PTPRT: variants seen among roughly 807,000 people sequenced by gnomAD.
PTPRT encodes protein tyrosine phosphatase receptor type T, also known as receptor-type tyrosine-protein phosphatase T.
Under a neutral mutation model 176.8 loss-of-function variants are expected in PTPRT, and 56 were observed. The observed-to-expected ratio is 0.32, with a 90% CI of 0.26 to 0.40. The LOEUF is 0.40. PTPRT is among the 10% of genes least tolerant of loss of function. The pLI, the probability that PTPRT is intolerant of heterozygous loss-of-function variation, is 1.00. For synonymous variants in PTPRT, 783 were observed against 739.0 expected (o/e 1.06, Z -0.96); for missense variants, 1,540 against 1,908.2 (o/e 0.81, Z 3.60).
At chr20:43,045,446 CT>C (rs899268477) in intron 1 of PTPRT, among the ~76,000 whole-genome samples, 3 of 139,432 alleles carry the variant, frequency 2.2e-5, no homozygotes, top group Non-Finnish European at 3.0e-5. Flanking sequence ...TTTTCTTTTT[CT>C]TTTTTTCATT....
chr20:42,216,466 G>A (rs893907008), intron 15 of PTPRT, among the ~76,000 whole-genome samples: 1 of 152,166 alleles, frequency 6.6e-6, no homozygotes, highest in African/African-American at 2.4e-5. Flanking sequence ...CTTTCAGGAA[G>A]CCTTTTCTGA....
chr20:42,315,412 CTT>C (rs982758282), intron 12 of PTPRT, among the ~76,000 whole-genome samples: 11 of 152,022 alleles, frequency 7.2e-5, no homozygotes, highest in African/African-American at 2.7e-4. Context: ...AGCACCATCT[CTT>C]TACTTTAATA....
intron 1 of PTPRT, among the ~76,000 whole-genome samples, chr20:43,032,373 G>T (rs1309670669): frequency 6.6e-6 from 1 of 151,382 alleles, no homozygotes; most frequent in African/African-American, 2.4e-5. Context: ...ATTGAATAGT[G>T]CTGATAAGGG....
intron 1 of PTPRT, among the ~76,000 whole-genome samples, chr20:43,086,066 G>T (rs1282731065): frequency 1.3e-5 from 2 of 152,112 alleles, no homozygotes; most frequent in Admixed American, 6.5e-5. Context: ...GATGGCCCAA[G>T]ACAAGCATCT....
In PTPRT at chr20:42,977,916, C is replaced by A. The variant is rs527505466; in HGVS notation, c.89-91984G>T. ...TTCGTGGGAATGGAATTATAATAGT[C>A]CTCCCTTATCCACAGGAACTATGTT... On this transcript the variant is annotated intron_variant, in intron 1 of 30. Coordinates refer to ENST00000373187, the MANE Select transcript of PTPRT (RefSeq NM_007050.6). Among the ~76,000 whole-genome samples, 19 of 152,320 alleles carry A rather than the reference C, an allele frequency of 1.2e-4. No individual in the cohort carries two copies. The South Asian group carries it at 3.9e-3, about 32-fold the overall frequency.
intron 7 of PTPRT, among the ~76,000 whole-genome samples, chr20:42,513,979 T>G (rs1430913365): frequency 2.0e-5 from 3 of 152,204 alleles, no homozygotes; most frequent in Non-Finnish European, 4.4e-5. Context: ...TCACTTTCAC[T>G]GCTGTGTAGT....
At chr20:43,163,110 G>A (rs890627984) in intron 1 of PTPRT, among the ~76,000 whole-genome samples, 1 of 152,218 alleles carries the variant, frequency 6.6e-6, no homozygotes, top group African/African-American at 2.4e-5. Flanking sequence ...TGCCCTGCTA[G>A]GAACTGTGGC....
At chr20:42,990,413 T>A (rs1278209472) in intron 1 of PTPRT, among the ~76,000 whole-genome samples, 1 of 152,146 alleles carries the variant, frequency 6.6e-6, no homozygotes, top group Non-Finnish European at 1.5e-5. Flanking sequence ...ATCTGGTGCA[T>A]GGGATTTAGG....
At chr20:42,374,104 C>T (rs892868167) in intron 9 of PTPRT, among the ~76,000 whole-genome samples, 14 of 152,164 alleles carry the variant, frequency 9.2e-5, no homozygotes, top group Non-Finnish European at 1.6e-4. Flanking sequence ...AAAGCAATGA[C>T]CTCAGTGTGT....
intron 13 of PTPRT, among the ~76,000 whole-genome samples, chr20:42,261,390 T>G (rs1365294568): frequency 6.6e-6 from 1 of 152,142 alleles, no homozygotes; most frequent in Non-Finnish European, 1.5e-5. Flanking sequence ...TAATTACATT[T>G]GCAAAGATAC....
chr20:42,597,187 G>A (rs1416105044), intron 7 of PTPRT, among the ~76,000 whole-genome samples: 1 of 152,116 alleles, frequency 6.6e-6, no homozygotes, highest in Non-Finnish European at 1.5e-5. Context: ...CTTCTTCCAG[G>A]CTAGCAGGAA....
intron 1 of PTPRT, among the ~76,000 whole-genome samples, chr20:43,185,119 C>T (rs1426996474): frequency 5.3e-5 from 8 of 152,330 alleles, no homozygotes; most frequent in Non-Finnish European, 1.0e-4. Context: ...TCATGAGACA[C>T]GCTAACTGCT....
At chr20:42,780,393 T>C (rs1569152495) in intron 3 of PTPRT, 94 bp from the exon 4 acceptor site, 1 of 933,784 alleles carries the variant, frequency 1.1e-6, no homozygotes, top group Non-Finnish European at 1.7e-6. Flanking sequence ...ATGTTTCAAC[T>C]TCCCATCAGA....
chr20:42,414,461 G>A (rs1393990342), intron 9 of PTPRT, among the ~76,000 whole-genome samples: 1 of 152,150 alleles, frequency 6.6e-6, no homozygotes, highest in Non-Finnish European at 1.5e-5. Context: ...TTAAAAAGGA[G>A]GTAAAAACAG....
Position 42,919,521 on chromosome 20 carries a change from A to G in PTPRT, c.89-33589T>C, listed in dbSNP as rs530573867. The stretch of plus-strand genomic sequence containing the variant: ...TGGCCAAGTCCTTAACAACTTTTCC[A>G]AAAACAGGGGTTCTATGTGATTCCG... On this transcript the variant is annotated intron_variant, in intron 1 of 30. Transcript: ENST00000373187. Among the ~76,000 whole-genome samples, 55 of 152,276 alleles carry G rather than the reference A, an allele frequency of 3.6e-4. No individual in the cohort carries two copies. In the South Asian group the frequency reaches 8.7e-3, roughly 24 times the overall value.
At chr20:42,878,707 C>G (rs2078970561) in intron 2 of PTPRT, among the ~76,000 whole-genome samples, 1 of 152,126 alleles carries the variant, frequency 6.6e-6, no homozygotes, top group Non-Finnish European at 1.5e-5. Context: ...TTAGAGTGGA[C>G]AAGTAGTAAA....
At chr20:42,567,045 G>T (rs1028666131) in intron 7 of PTPRT, among the ~76,000 whole-genome samples, 3 of 152,138 alleles carry the variant, frequency 2.0e-5, no homozygotes, top group Non-Finnish European at 4.4e-5. Flanking sequence ...GCCGAGGCAG[G>T]TGGATCACCT....
At chr20:42,648,022 C>A (rs529225558) in intron 7 of PTPRT, among the ~76,000 whole-genome samples, 13 of 152,220 alleles carry the variant, frequency 8.5e-5, no homozygotes, top group Non-Finnish European at 1.9e-4. Flanking sequence ...AGAAATGGCC[C>A]TGAAGTGGGT....
chr20:42,914,862 T>C (rs1413165160), intron 1 of PTPRT, among the ~76,000 whole-genome samples: 1 of 151,440 alleles, frequency 6.6e-6, no homozygotes, highest in Non-Finnish European at 1.5e-5. Flanking sequence ...TAAAAAATCC[T>C]TAAAAGTGTA....
Sources: allele counts gnomAD v4.1 joint callset (sites outside exome capture counted in the v4.1 genomes callset), GRCh38; gene constraint gnomAD v4.1.1; transcripts MANE v1.5; gene names NCBI Gene and HGNC (gene_info 2026-07-23, HGNC 2026-07-21).